Variants in PPP1R9A observed in about 807,000 individuals in gnomAD.
PPP1R9A encodes the protein neurabin-1.
PPP1R9A carries 59 observed loss-of-function variants against 141.9 expected under a neutral mutation model. That is an observed-to-expected ratio of 0.42 (90% CI 0.34 to 0.52). The LOEUF (loss-of-function observed/expected upper bound fraction) is 0.52, where lower values mean the gene tolerates loss of function less well. PPP1R9A is among the 20% of genes least tolerant of loss of function. The probability of loss-of-function intolerance (pLI) is 0.10; values close to 1 mark genes in which losing one functional copy is unlikely to be tolerated. For synonymous variants in PPP1R9A, 500 were observed against 569.7 expected, an observed-to-expected ratio of 0.88 and a Z score of 1.74; for missense variants, 1,444 against 1,611.9, an observed-to-expected ratio of 0.90 and a Z score of 1.78.
At chr7:94,941,019 A>G (rs1795282121) in intron 2 of PPP1R9A, among the ~76,000 whole-genome samples, 1 of 152,132 alleles carries the variant, frequency 6.6e-6, no homozygotes, top group South Asian at 2.1e-4. Flanking sequence ...CATTATGCAC[A>G]GTTACTGTGT....
In PPP1R9A at chr7:95,250,030, A is replaced by G. The variant is rs768888211; in HGVS notation, c.2171A>G (p.Gln724Arg). ...AEIQKLKTKL[Q>R]AAENEKVRWE... ...CTTGACGTTTGCTTTCTCCAGCTGC[A>G]GGCAGCAGAAAATGAGAAAGTGAGG... The change falls in exon 10 of 20, where the codon CAG (glutamine) becomes CGG (arginine). Residue 724 changes from glutamine to arginine, a missense_variant. Coordinates refer to ENST00000433360, the MANE Select transcript of PPP1R9A (RefSeq NM_001166160.2). The G allele has an allele frequency of 6.3e-7, 1 of 1,599,370 alleles. No individual in the cohort carries two copies. The highest frequency in any genetic ancestry group is 1.8e-5 in the Admixed American group (1 of 57,108).
At chr7:94,933,064 A>G (rs532351200) in intron 2 of PPP1R9A, among the ~76,000 whole-genome samples, 1 of 152,058 alleles carries the variant, frequency 6.6e-6, no homozygotes, top group East Asian at 1.9e-4. Flanking sequence ...TTAGTGTCAT[A>G]TATATGTATA....
intron 2 of PPP1R9A, among the ~76,000 whole-genome samples, chr7:95,101,262 C>A (rs1289581413): frequency 2.0e-5 from 3 of 152,190 alleles, no homozygotes; most frequent in African/African-American, 4.8e-5. Context: ...AAGACAGGAT[C>A]TTTGCAATCC....
At chr7:94,938,265 A>G (rs761906865) in intron 2 of PPP1R9A, among the ~76,000 whole-genome samples, 1 of 152,150 alleles carries the variant, frequency 6.6e-6, no homozygotes, top group Non-Finnish European at 1.5e-5. Context: ...GTTCCTTATG[A>G]GACCTGAAAC....
At chr7:94,913,512 T>G (rs559000091) in intron 2 of PPP1R9A, among the ~76,000 whole-genome samples, 1 of 152,262 alleles carries the variant, frequency 6.6e-6, no homozygotes, top group Admixed American at 6.5e-5. Context: ...TGTATTGCAT[T>G]TGATTGGGCA....
chr7:95,147,879 G>C (rs1295491503), intron 4 of PPP1R9A, among the ~76,000 whole-genome samples: 1 of 152,144 alleles, frequency 6.6e-6, no homozygotes. Flanking sequence ...TTTTTGATGT[G>C]CTGCTGGATT....
chr7:94,944,477 A>G (rs1236918941), intron 2 of PPP1R9A, among the ~76,000 whole-genome samples: 3 of 146,838 alleles, frequency 2.0e-5, no homozygotes, highest in African/African-American at 7.5e-5. Flanking sequence ...AAAAAAGGTC[A>G]TTACTATCTA....
chr7:95,275,736 C>G (rs1803047580), intron 16 of PPP1R9A, among the ~76,000 whole-genome samples: 1 of 152,212 alleles, frequency 6.6e-6, no homozygotes, highest in Admixed American at 6.5e-5. Flanking sequence ...CTGCTGTTTA[C>G]TTTTCTTTTT....
intron 4 of PPP1R9A, among the ~76,000 whole-genome samples, chr7:95,126,574 C>G (rs939049585): frequency 2.6e-5 from 4 of 152,102 alleles, no homozygotes; most frequent in African/African-American, 9.7e-5. Context: ...GGGAAACAGG[C>G]TATTTCCTCT....
intron 5 of PPP1R9A, among the ~76,000 whole-genome samples, chr7:95,172,008 G>A (rs541256958): frequency 6.6e-6 from 1 of 151,684 alleles, no homozygotes; most frequent in East Asian, 1.9e-4. Context: ...TTTTCTTACT[G>A]ATAGGATTAA....
chr7:95,198,595 C>A, intron 6 of PPP1R9A, 111 bp downstream of exon 6: 1 of 1,259,388 alleles, frequency 7.9e-7, no homozygotes, highest in Non-Finnish European at 1.1e-6. Flanking sequence ...AAGGTGTGTC[C>A]ACATTGAACT....
chr7:95,072,350 T>G (rs1285518457), intron 2 of PPP1R9A, among the ~76,000 whole-genome samples: 1 of 144,372 alleles, frequency 6.9e-6, no homozygotes, highest in Non-Finnish European at 1.5e-5. Context: ...ATAAGTTATA[T>G]TATTATATAA....
intron 16 of PPP1R9A, among the ~76,000 whole-genome samples, chr7:95,275,571 A>G (rs923167411): frequency 1.3e-5 from 2 of 151,570 alleles, no homozygotes; most frequent in African/African-American, 4.9e-5. Flanking sequence ...CCAACATACT[A>G]TGCCACCTTC....
chr7:95,114,008 A>C (rs947055808), intron 3 of PPP1R9A, among the ~76,000 whole-genome samples: 4 of 152,202 alleles, frequency 2.6e-5, no homozygotes, highest in Non-Finnish European at 2.9e-5. Flanking sequence ...TACATTTTTC[A>C]TACATTTTAA....
intron 2 of PPP1R9A, among the ~76,000 whole-genome samples, chr7:94,968,203 C>T (rs888825835): frequency 4.0e-5 from 6 of 151,830 alleles, no homozygotes; most frequent in Non-Finnish European, 8.8e-5. Context: ...GACGGAGTCT[C>T]GCTCTGTCGC....
At position 94,911,498 on chromosome 7, in the gene PPP1R9A, C is replaced by A. The variant is rs139281489; in HGVS notation, c.1385C>A (p.Ala462Asp). Residue 462 changes from alanine to aspartate, a missense_variant, in exon 2 of 20, where the codon GCT (alanine) becomes GAT (aspartate). Transcript: ENST00000433360. ...PANRKIKFSS[A>D]PIKVFNTYSN... ...AATAGGAAAATTAAGTTTAGTAGTG[C>A]TCCTATTAAGGTAAGTGTGTTTTCT... The A allele has an allele frequency of 5.6e-6, 9 of 1,605,624 alleles. No individual in the cohort carries two copies. The East Asian group carries it at 1.8e-4, about 32-fold the overall frequency.
intron 2 of PPP1R9A, among the ~76,000 whole-genome samples, chr7:95,001,170 T>C (rs1802864952): frequency 6.6e-6 from 1 of 152,152 alleles, no homozygotes; most frequent in Non-Finnish European, 1.5e-5. Flanking sequence ...CTGTATTGTT[T>C]GGATTTGGAG....
At chr7:95,001,394 G>C (rs763243748) in intron 2 of PPP1R9A, among the ~76,000 whole-genome samples, 7 of 152,178 alleles carry the variant, frequency 4.6e-5, no homozygotes, top group Non-Finnish European at 1.0e-4. Context: ...GCATAACCAT[G>C]ATGGTGATAA....
chr7:95,138,793 A>G (rs1329141295), intron 4 of PPP1R9A, among the ~76,000 whole-genome samples: 1 of 152,242 alleles, frequency 6.6e-6, no homozygotes, highest in Non-Finnish European at 1.5e-5. Context: ...TTAAACTTTA[A>G]TGAGATATTA....
Sources: allele counts gnomAD v4.1 joint callset (sites outside exome capture counted in the v4.1 genomes callset), GRCh38; gene constraint gnomAD v4.1.1; transcripts MANE v1.5; gene names NCBI Gene and HGNC (gene_info 2026-07-23, HGNC 2026-07-21).